Variants in IQSEC1 observed in about 807,000 individuals in gnomAD.
IQSEC1 encodes IQ motif and Sec7 domain ArfGEF 1.
A neutral mutation model predicts 91.0 loss-of-function variants in IQSEC1; 31 were observed. The ratio of observed to expected loss-of-function variants is 0.34; its 90% CI spans 0.26 to 0.46. The LOEUF (loss-of-function observed/expected upper bound fraction) is 0.46, where lower values mean the gene tolerates loss of function less well. Ranked by LOEUF, IQSEC1 falls within the 20% of genes least tolerant of loss-of-function variation. IQSEC1 has a pLI of 1.00. For missense variants in IQSEC1, 1,388 were observed against 1,575.6 expected, an observed-to-expected ratio of 0.88 and a Z score of 2.02; for synonymous variants, 699 against 662.6, an observed-to-expected ratio of 1.05 and a Z score of -0.84.
intron 1 of IQSEC1, among the ~76,000 whole-genome samples, chr3:13,252,671 G>C (rs757032295): frequency 6.6e-6 from 1 of 152,072 alleles, no homozygotes; most frequent in Non-Finnish European, 1.5e-5. Flanking sequence ...AAGGCACAAG[G>C]GTTCCAATTT....
rs561614170 is a variant in IQSEC1 at position 13,214,707 on chromosome 3, G to T, written c.273-50574C>A. Among the ~76,000 whole-genome samples, 3 of 152,356 alleles carry T rather than the reference G, an allele frequency of 2.0e-5. No homozygotes were observed. The East Asian group carries it at 5.8e-4, about 29-fold the overall frequency. On this transcript the variant is annotated intron_variant, in intron 1 of 15. Coordinates refer to the IQSEC1 transcript ENST00000648114. The surrounding 1 kb of genome is among the most constrained non-coding windows in gnomAD (Gnocchi z 4.5). The stretch of plus-strand genomic sequence containing the variant: ...CACGAGCTGGTGTCCGGTGGAGCAC[G>T]GTCTCCAGGGAGCGGTGTTGAGGTC...
Position 13,008,806 on chromosome 3 carries a change from G to A in IQSEC1, c.23+64186C>T, listed in dbSNP as rs1182302496. On this transcript the variant is annotated intron_variant, in intron 1 of 13. Transcript: ENST00000613206. The surrounding 1 kb of genome is among the most constrained non-coding windows in gnomAD (Gnocchi z 4.1). ...TCCAGGGCAGAAAGGGGAGCTCACA[G>A]AGGAGGGGATATCCAGCTAACCCAG... Among the ~76,000 whole-genome samples the A allele has an allele frequency of 6.6e-6, 1 of 152,212 alleles. No homozygotes were observed. Among genetic ancestry groups the A allele is most frequent in the African/African-American group, 2.4e-5 (1 of 41,456 alleles).
intron 1 of IQSEC1, among the ~76,000 whole-genome samples, chr3:13,220,895 A>G (rs559089815): frequency 6.6e-6 from 1 of 152,238 alleles, no homozygotes; most frequent in African/African-American, 2.4e-5. Context: ...GTTTCTATTG[A>G]CAGCTACCAG....
chr3:13,054,957 C>CT (rs1704822227), intron 1 of IQSEC1, among the ~76,000 whole-genome samples: 1 of 152,372 alleles, frequency 6.6e-6, no homozygotes, highest in South Asian at 2.1e-4. Flanking sequence ...ACCTCATAAA[C>CT]TGGCCTGAGG....
At chr3:13,083,747 A>G (rs11923673) in intron 2 of IQSEC1, among the ~76,000 whole-genome samples, 45,881 of 152,264 alleles carry the variant, frequency 0.3, 6,967 homozygotes, top group Middle Eastern at 0.33. Flanking sequence ...TGTCCCGTGC[A>G]TAGCTGGGAC....
At chr3:13,069,024 G>A (rs144972527) in intron 1 of IQSEC1, among the ~76,000 whole-genome samples, 34 of 152,340 alleles carry the variant, frequency 2.2e-4, no homozygotes, top group Admixed American at 1.3e-3. Context: ...CTGGTTATGC[G>A]GCCTTGGCTG....
chr3:13,035,777 G>A (rs1246763754), intron 1 of IQSEC1, among the ~76,000 whole-genome samples: 1 of 152,164 alleles, frequency 6.6e-6, no homozygotes, highest in African/African-American at 2.4e-5. Context: ...GACTGTCCTG[G>A]TGAAGATCAT....
At position 13,038,768 on chromosome 3, in the gene IQSEC1, T is replaced by C. The variant is rs756796249; in HGVS notation, c.23+34224A>G. Reference sequence around the variant, plus strand: ...CTCACCCACTGCTGGTAAGGCTACATACTGCCAGGGCCACTTTGGAAAGCA... The same window carrying C: ...CTCACCCACTGCTGGTAAGGCTACACACTGCCAGGGCCACTTTGGAAAGCA... On this transcript the variant is annotated intron_variant, in intron 1 of 13. Transcript: ENST00000613206. Among the ~76,000 whole-genome samples, 46 of 152,190 alleles carry C rather than the reference T, an allele frequency of 3.0e-4. 1 individual carries two copies. The highest frequency in any genetic ancestry group is 1.8e-4 in the Non-Finnish European group (12 of 68,032).
intron 1 of IQSEC1, among the ~76,000 whole-genome samples, chr3:13,247,402 G>A (rs938399668): frequency 6.6e-6 from 1 of 152,340 alleles, no homozygotes; most frequent in East Asian, 1.9e-4. Flanking sequence ...CCAGAGGTGT[G>A]CACTGCAGCA....
intron 1 of IQSEC1, among the ~76,000 whole-genome samples, chr3:12,972,981 C>T (rs190743935): frequency 6.6e-6 from 1 of 152,336 alleles, no homozygotes; most frequent in African/African-American, 2.4e-5. Context: ...ATAAATAAAG[C>T]TGTTCTTACC....
At chr3:13,133,118 G>C (rs1706648553) in intron 2 of IQSEC1, among the ~76,000 whole-genome samples, 1 of 152,356 alleles carries the variant, frequency 6.6e-6, no homozygotes, top group East Asian at 1.9e-4. Context: ...TGGAGGAAAG[G>C]CTAGAGGGGC....
intron 2 of IQSEC1, among the ~76,000 whole-genome samples, chr3:13,137,296 CAGG>C (rs968293858): frequency 2.0e-5 from 3 of 152,132 alleles, no homozygotes; most frequent in Non-Finnish European, 2.9e-5. Context: ...CACGCCCTGA[CAGG>C]AGAATGCAAA....
chr3:12,941,662 A>T lies in IQSEC1; in HGVS notation c.227T>A (p.Ile76Asn), dbSNP rs778611987. 26 of 1,612,868 alleles carry T rather than the reference A, an allele frequency of 1.6e-5. No homozygotes were observed. The highest frequency in any genetic ancestry group is 2.2e-5 in the Non-Finnish European group (26 of 1,179,926). ...CTCCTCCTCAGCCTGCTTGCGCAGG[A>T]TGGAGGTCGAGTGCTGCAGCTTGGG... is the stretch of plus-strand genomic sequence containing the variant. ...RRPKLQHSTS[I>N]LRKQAEEEAI... Residue 76 changes from isoleucine to asparagine, a missense_variant, in exon 2 of 14, where the codon ATC becomes AAC. Physicochemically the swap from Ile to Asn is moderately radical, Grantham distance 149. Coordinates refer to ENST00000613206, the MANE Select transcript of IQSEC1 (RefSeq NM_001134382.3).
chr3:13,089,660 G>A (rs1004587525), intron 2 of IQSEC1, among the ~76,000 whole-genome samples: 4 of 152,232 alleles, frequency 2.6e-5, no homozygotes, highest in Admixed American at 6.5e-5. Context: ...ATGATGCTAA[G>A]TTAAAGAAGC....
intron 2 of IQSEC1, among the ~76,000 whole-genome samples, chr3:13,131,093 T>C (rs1203052130): frequency 7.3e-6 from 1 of 136,298 alleles, no homozygotes; most frequent in Non-Finnish European, 1.7e-5. Context: ...TCTCAAACCA[T>C]AATTTTGTAT....
chr3:12,900,147 G>C lies in IQSEC1; in HGVS notation c.*836C>G. On this transcript the variant is annotated 3_prime_UTR_variant, in exon 14 of 14. Coordinates refer to ENST00000613206, the MANE Select transcript of IQSEC1 (RefSeq NM_001134382.3). ...CAGCATTATAATACTATTTATGATA[G>C]TATTCTGTTAATAAAATAAGGATTT... The C allele has an allele frequency of 1.1e-5, 11 of 971,142 alleles. No individual in the cohort carries two copies. The highest frequency in any genetic ancestry group is 1.3e-5 in the Non-Finnish European group (11 of 817,094). 60.2% of individuals were successfully genotyped at this position (971,142 alleles called of 1,614,324 possible).
intron 2 of IQSEC1, among the ~76,000 whole-genome samples, chr3:13,126,977 T>C (rs776326373): frequency 2.6e-5 from 4 of 152,250 alleles, no homozygotes; most frequent in African/African-American, 7.2e-5. Context: ...AGTTAAATTT[T>C]ATATAAGGTA....
intron 1 of IQSEC1, among the ~76,000 whole-genome samples, chr3:12,989,859 G>A (rs1379619365): frequency 1.3e-5 from 2 of 152,138 alleles, no homozygotes; most frequent in East Asian, 1.9e-4. Flanking sequence ...GTTCAGGGAG[G>A]GGAAGGGACT....
At position 13,008,263 on chromosome 3, in the gene IQSEC1, C is replaced by T. The variant is rs183083281; in HGVS notation, c.23+64729G>A. Among the ~76,000 whole-genome samples the T allele has an allele frequency of 1.6e-4, 24 of 151,596 alleles. No homozygotes were observed. Among genetic ancestry groups the T allele is most frequent in the East Asian group, 9.6e-4 (5 of 5,184 alleles). On this transcript the variant is annotated intron_variant, in intron 1 of 13. Transcript: ENST00000613206. This position sits in a 1 kb window ranked among gnomAD's most constrained non-coding sequence, Gnocchi z 4.1. ...GGCCAAGCTGGACACCTCTCCTTCC[C>T]GCGTCGAAGCTCAGAGGTGAGCCTC... is the stretch of plus-strand genomic sequence containing the variant.
Sources: gnomAD v4.1 joint callset for allele counts (sites outside exome capture counted in the v4.1 genomes callset) on GRCh38, gnomAD v4.1.1 for gene constraint, Gnocchi (gnomAD v3.1) non-coding constraint, MANE v1.5 for transcripts, NCBI Gene and HGNC (gene_info 2026-07-23, HGNC 2026-07-21) for gene names.